The following SNTG2 variants were observed in gnomAD, a reference collection of about 807,000 sequenced individuals.
SNTG2 encodes the protein syntrophin gamma 2.
In SNTG2, 74 loss-of-function variants were observed where a neutral mutation model predicts 70.9. The observed-to-expected ratio is 1.04, with a 90% confidence interval of 0.86 to 1.27. SNTG2 has a LOEUF of 1.27. SNTG2 is among the 50% of genes most tolerant of loss of function. The pLI, the probability that SNTG2 is intolerant of heterozygous loss-of-function variation, is 0.00. For missense variants in SNTG2, 717 were observed against 690.7 expected, an observed-to-expected ratio of 1.04 and a Z score of -0.43; for synonymous variants, 278 against 273.8, an observed-to-expected ratio of 1.02 and a Z score of -0.15.
At chr2:1,086,881 C>A (rs190037245) in intron 2 of SNTG2, among the ~76,000 whole-genome samples, 5 of 152,034 alleles carry the variant, frequency 3.3e-5, no homozygotes, top group Admixed American at 6.5e-5. Context: ...AGAAACAATA[C>A]CTGAAATGAA....
At chr2:1,218,508 C>T (rs28478841) in intron 9 of SNTG2, among the ~76,000 whole-genome samples, 34,881 of 152,168 alleles carry the variant, frequency 0.23, 4,836 homozygotes, top group East Asian at 0.44. Context: ...GCTGTTCTTC[C>T]ACATGGTACC....
At chr2:1,113,343 G>A (rs1295693137) in intron 4 of SNTG2, among the ~76,000 whole-genome samples, 1 of 152,180 alleles carries the variant, frequency 6.6e-6, no homozygotes, top group Non-Finnish European at 1.5e-5. Context: ...AGGATCGTGT[G>A]TATTAAGTGA....
intron 4 of SNTG2, among the ~76,000 whole-genome samples, chr2:1,130,534 A>C (rs1345874567): frequency 3.9e-5 from 6 of 152,228 alleles, no homozygotes; most frequent in Non-Finnish European, 7.3e-5. Flanking sequence ...TTGATACATC[A>C]TCACAGTCGG....
intron 4 of SNTG2, among the ~76,000 whole-genome samples, chr2:1,118,350 C>G (rs1667170675): frequency 6.6e-6 from 1 of 152,106 alleles, no homozygotes; most frequent in South Asian, 2.1e-4. Flanking sequence ...GGACCCTAGA[C>G]TTATGCTGCC....
intron 1 of SNTG2, among the ~76,000 whole-genome samples, chr2:956,554 T>A (rs1466494866): frequency 1.3e-5 from 2 of 152,162 alleles, no homozygotes; most frequent in African/African-American, 4.8e-5. Flanking sequence ...CCCATGCCCC[T>A]TCCTGCGGAG....
chr2:1,213,331 A>T (rs1434817342), intron 9 of SNTG2, among the ~76,000 whole-genome samples: 1 of 152,208 alleles, frequency 6.6e-6, no homozygotes, highest in Non-Finnish European at 1.5e-5. Flanking sequence ...GAGTGAAAAG[A>T]TGTATAAAGA....
chr2:962,125 C>T (rs1039706382), intron 1 of SNTG2, among the ~76,000 whole-genome samples: 4 of 152,144 alleles, frequency 2.6e-5, no homozygotes, highest in African/African-American at 9.7e-5. Context: ...AGTGCAGTGG[C>T]ATGATCATAG....
At chr2:1,299,130 C>G (rs1680342402) in intron 14 of SNTG2, among the ~76,000 whole-genome samples, 1 of 152,280 alleles carries the variant, frequency 6.6e-6, no homozygotes, top group East Asian at 1.9e-4. Context: ...ACTTTTATCC[C>G]ATAAGGCGCA....
At chr2:1,204,782 A>G (rs1044344240) in intron 8 of SNTG2, among the ~76,000 whole-genome samples, 1 of 152,212 alleles carries the variant, frequency 6.6e-6, no homozygotes, top group Non-Finnish European at 1.5e-5. Flanking sequence ...GTATAGGAAA[A>G]AAGCATAGTA....
intron 14 of SNTG2, among the ~76,000 whole-genome samples, chr2:1,282,089 A>C (rs1475496658): frequency 2.0e-5 from 3 of 152,218 alleles, no homozygotes; most frequent in Non-Finnish European, 4.4e-5. Context: ...ATAAATATTA[A>C]GATCATATGG....
chr2:1,265,504 C>T (rs1485447706), intron 13 of SNTG2, among the ~76,000 whole-genome samples: 1 of 152,194 alleles, frequency 6.6e-6, no homozygotes, highest in African/African-American at 2.4e-5. Flanking sequence ...GTGCAATGCT[C>T]TCCATGATCA....
chr2:1,018,627 T>G (rs1305523897), intron 1 of SNTG2, among the ~76,000 whole-genome samples: 1 of 152,174 alleles, frequency 6.6e-6, no homozygotes, highest in Non-Finnish European at 1.5e-5. Flanking sequence ...GAGAGCTGTT[T>G]AGACCCAGGG....
chr2:1,181,947 T>G (rs1419761363), intron 8 of SNTG2, among the ~76,000 whole-genome samples: 1 of 152,158 alleles, frequency 6.6e-6, no homozygotes, highest in East Asian at 1.9e-4. Context: ...TGCGTTTAGG[T>G]TTGGAAGTAC....
At chr2:1,265,430 A>G (rs1007279676) in intron 13 of SNTG2, among the ~76,000 whole-genome samples, 3 of 152,150 alleles carry the variant, frequency 2.0e-5, no homozygotes, top group Non-Finnish European at 4.4e-5. Context: ...ACATACACAC[A>G]CACATGTTCT....
intron 1 of SNTG2, among the ~76,000 whole-genome samples, chr2:958,183 TGAGA>T (rs1274375391): frequency 6.6e-6 from 1 of 152,226 alleles, no homozygotes; most frequent in East Asian, 1.9e-4. Context: ...CGTCTGACTG[TGAGA>T]GAGATGTCTC....
intron 4 of SNTG2, among the ~76,000 whole-genome samples, chr2:1,121,417 G>C (rs1316707454): frequency 6.6e-6 from 1 of 151,906 alleles, no homozygotes; most frequent in Non-Finnish European, 1.5e-5. Flanking sequence ...AAGTCAAACA[G>C]ACAATAGTAA....
At chr2:1,246,792 A>T (rs1247219967) in intron 11 of SNTG2, among the ~76,000 whole-genome samples, 1 of 152,064 alleles carries the variant, frequency 6.6e-6, no homozygotes, top group Non-Finnish European at 1.5e-5. Context: ...TCATATTCTG[A>T]TTTTGATAGG....
At chr2:1,089,721 C>T (rs771645465) in intron 2 of SNTG2, among the ~76,000 whole-genome samples, 14 of 152,198 alleles carry the variant, frequency 9.2e-5, no homozygotes, top group African/African-American at 2.2e-4. Context: ...TCAAATAGCG[C>T]GTCACTCAAG....
rs971581645 is a variant in SNTG2 at position 1,263,327 on chromosome 2, TATTA to T, written c.1077+3891_1077+3894del. ...CAAATTCACATTGCATGAAAGAGAA[TATTA>T]ATTATTGTCCTATTATTAAGGTTAT... is the stretch of plus-strand genomic sequence containing the variant. On this transcript the variant is annotated intron_variant, in intron 13 of 16. Coordinates refer to ENST00000308624, the MANE Select transcript of SNTG2 (RefSeq NM_018968.4). 3.2e-3 allele frequency among the ~76,000 whole-genome samples: 489 copies of T among 152,286 alleles called. 3 individuals carry two copies. Among genetic ancestry groups the T allele is most frequent in the African/African-American group, 0.011 (456 of 41,572 alleles).
Sources: allele counts gnomAD v4.1 joint callset (sites outside exome capture counted in the v4.1 genomes callset), GRCh38; gene constraint gnomAD v4.1.1; transcripts MANE v1.5; gene names NCBI Gene and HGNC (gene_info 2026-07-23, HGNC 2026-07-21).